Variants in NDST4 observed in about 807,000 individuals in gnomAD.
NDST4 encodes the protein N-heparan sulfate sulfotransferase 4.
A neutral mutation model predicts 100.8 loss-of-function variants in NDST4; 63 were observed. The ratio of observed to expected loss-of-function variants is 0.62; its 90% confidence interval spans 0.51 to 0.77. The LOEUF is 0.77. NDST4 is among the 30% of genes least tolerant of loss of function. The probability of loss-of-function intolerance (pLI) is 0.00; values close to 1 mark genes in which losing one functional copy is unlikely to be tolerated. For missense variants in NDST4, 943 were observed against 1,018.4 expected (o/e 0.93, Z 1.01); for synonymous variants, 377 against 361.8 (o/e 1.04, Z -0.48).
intron 6 of NDST4, among the ~76,000 whole-genome samples, chr4:114,882,683 T>A (rs963038267): frequency 3.3e-5 from 5 of 150,740 alleles, no homozygotes; most frequent in Non-Finnish European, 3.0e-5. Context: ...AAAAAGAGAG[T>A]GGTGCAGAAG....
chr4:115,073,713 A>C (rs1270500239), intron 2 of NDST4, among the ~76,000 whole-genome samples: 1 of 151,930 alleles, frequency 6.6e-6, no homozygotes, highest in African/African-American at 2.4e-5. Context: ...TTTGATTGGA[A>C]GAAGAAGTTG....
chr4:114,884,136 A>G (rs7673947), intron 6 of NDST4, among the ~76,000 whole-genome samples: 36,815 of 151,968 alleles, frequency 0.24, 6,169 homozygotes, highest in African/African-American at 0.48. Context: ...ATGATAATGA[A>G]TACATATGCT....
At chr4:115,097,673 C>A (rs1230285215) in intron 1 of NDST4, among the ~76,000 whole-genome samples, 1 of 152,122 alleles carries the variant, frequency 6.6e-6, no homozygotes, top group African/African-American at 2.4e-5. Context: ...AATACATTGA[C>A]CAGGGTCCTC....
chr4:114,862,474 T>G (rs988929460), intron 7 of NDST4, among the ~76,000 whole-genome samples: 4 of 152,160 alleles, frequency 2.6e-5, no homozygotes, highest in Admixed American at 2.0e-4. Flanking sequence ...GATGTTCACT[T>G]CATTTGCTCA....
intron 2 of NDST4, among the ~76,000 whole-genome samples, chr4:114,985,824 C>T (rs1726888051): frequency 6.6e-6 from 1 of 152,170 alleles, no homozygotes; most frequent in Non-Finnish European, 1.5e-5. Flanking sequence ...ATAAAGTCCA[C>T]CCTGGAAAAG....
intron 4 of NDST4, among the ~76,000 whole-genome samples, chr4:114,964,486 T>C (rs1048045788): frequency 2.0e-5 from 3 of 152,250 alleles, no homozygotes; most frequent in Non-Finnish European, 4.4e-5. Flanking sequence ...TGTTAACTAA[T>C]GCACTCAATT....
chr4:114,926,373 G>T (rs1382777339), intron 6 of NDST4, among the ~76,000 whole-genome samples: 1 of 151,954 alleles, frequency 6.6e-6, no homozygotes, highest in Non-Finnish European at 1.5e-5. Flanking sequence ...CCTTGCAGTT[G>T]GCTGAATCAA....
At chr4:114,846,521 G>A (rs1254442090) in intron 9 of NDST4, among the ~76,000 whole-genome samples, 4 of 152,140 alleles carry the variant, frequency 2.6e-5, no homozygotes, top group African/African-American at 9.7e-5. Flanking sequence ...TGTAGTATAC[G>A]TAGCGATGTG....
At chr4:115,010,558 G>A (rs1727520963) in intron 2 of NDST4, among the ~76,000 whole-genome samples, 1 of 128,408 alleles carries the variant, frequency 7.8e-6, no homozygotes, top group Non-Finnish European at 1.7e-5. Context: ...AGGGGGTAGG[G>A]ATAGCTTTAA....
At chr4:114,902,048 T>C (rs944485688) in intron 6 of NDST4, among the ~76,000 whole-genome samples, 4 of 152,088 alleles carry the variant, frequency 2.6e-5, no homozygotes, top group Admixed American at 6.6e-5. Flanking sequence ...ATATGAAACA[T>C]ACAAATATGA....
chr4:115,072,111 A>G (rs1729090527), intron 2 of NDST4, among the ~76,000 whole-genome samples: 1 of 152,132 alleles, frequency 6.6e-6, no homozygotes, highest in Non-Finnish European at 1.5e-5. Context: ...CTACACTAAG[A>G]CATGTTATAG....
intron 1 of NDST4, among the ~76,000 whole-genome samples, chr4:115,110,315 A>C (rs1327415584): frequency 1.4e-5 from 2 of 147,472 alleles, no homozygotes; most frequent in Admixed American, 6.6e-5. Context: ...GTGTTAAAGA[A>C]AAGGCTGGCT....
intron 2 of NDST4, among the ~76,000 whole-genome samples, chr4:115,065,470 C>G (rs765460248): frequency 6.6e-6 from 1 of 152,110 alleles, no homozygotes; most frequent in Non-Finnish European, 1.5e-5. Context: ...AGACAACTAT[C>G]TTAGTATCGC....
intron 10 of NDST4, among the ~76,000 whole-genome samples, chr4:114,843,942 C>G (rs1250867118): frequency 6.6e-6 from 1 of 152,100 alleles, no homozygotes; most frequent in Non-Finnish European, 1.5e-5. Flanking sequence ...TTTCATTCAT[C>G]ATGATCATAA....
chr4:114,952,046 G>C (rs1726000822), intron 4 of NDST4, among the ~76,000 whole-genome samples: 1 of 152,056 alleles, frequency 6.6e-6, no homozygotes, highest in Non-Finnish European at 1.5e-5. Flanking sequence ...TCATGTATAG[G>C]TATTTGAAAA....
At chr4:115,079,015 T>C (rs1729248008) in intron 1 of NDST4, among the ~76,000 whole-genome samples, 2 of 152,034 alleles carry the variant, frequency 1.3e-5, no homozygotes, top group South Asian at 4.1e-4. Context: ...TATAGTCATT[T>C]GAGAATGAAC....
At position 115,088,587 on chromosome 4, in the gene NDST4, T is replaced by C. The variant is rs143727603; in HGVS notation, c.-246-11305A>G. 4.3e-4 allele frequency among the ~76,000 whole-genome samples: 65 copies of C among 152,064 alleles called. 1 individual carries two copies. Among genetic ancestry groups the C allele is most frequent in the Middle Eastern group, 3.4e-3 (1 of 294 alleles). On this transcript the variant is annotated intron_variant, in intron 1 of 13. Coordinates refer to ENST00000264363, the MANE Select transcript of NDST4 (RefSeq NM_022569.3). ...GTTGGAGACTCCAGGTATCATTTTGTTAAGAAGTTTAGCTCATGCCCATGT... is the reference window on the plus strand; with the variant it reads ...GTTGGAGACTCCAGGTATCATTTTGCTAAGAAGTTTAGCTCATGCCCATGT...
intron 6 of NDST4, among the ~76,000 whole-genome samples, chr4:114,900,307 T>C (rs1437610092): frequency 6.6e-6 from 1 of 152,132 alleles, no homozygotes; most frequent in African/African-American, 2.4e-5. Context: ...TCTCTACTGA[T>C]TTTCGGTTTA....
chr4:115,109,762 T>C (rs1211573452), intron 1 of NDST4, among the ~76,000 whole-genome samples: 2 of 151,936 alleles, frequency 1.3e-5, no homozygotes, highest in Non-Finnish European at 2.9e-5. Context: ...AGCCTATGTA[T>C]GTAAATGACC....
Sources: allele counts gnomAD v4.1 joint callset (sites outside exome capture counted in the v4.1 genomes callset), GRCh38; gene constraint gnomAD v4.1.1; transcripts MANE v1.5; gene names NCBI Gene and HGNC (gene_info 2026-07-23, HGNC 2026-07-21).